Variants in CIITA observed in about 807,000 individuals in gnomAD.
CIITA encodes the protein MHC class II transactivator.
CIITA carries 72 observed loss-of-function variants against 115.1 expected under a neutral mutation model. The ratio of observed to expected loss-of-function variants is 0.63; its 90% CI spans 0.52 to 0.76. The LOEUF (loss-of-function observed/expected upper bound fraction) is 0.76. Among genes scored for constraint, CIITA ranks in the 30% least tolerant of loss-of-function variants. The pLI is 0.00. For synonymous variants in CIITA, 763 were observed against 635.6 expected (o/e 1.20, Z -3.02); for missense variants, 1,617 against 1,463.8 (o/e 1.10, Z -1.71).
rs1209081776 is a variant in CIITA, at chr16:10,906,518, C to T, written c.1026C>T (p.Tyr342=). 2 of 1,612,100 alleles carry T rather than the reference C, an allele frequency of 1.2e-6. No homozygotes were observed. Among genetic ancestry groups the T allele is most frequent in the East Asian group, 2.2e-5 (1 of 44,872 alleles). ...TTGCAGAGCCGGTGGAGCAGTTCTA[C>T]CGCTCACTGCAGGACACGTATGGTG... ...PKWPEPVEQF[Y]RSLQDTYGAE... Residue 342 remains tyrosine (Y), a synonymous_variant, in exon 11 of 20, where the codon TAC becomes TAT. Coordinates refer to ENST00000324288, the MANE Select transcript of CIITA (RefSeq NM_000246.4).
chr16:10,923,600 T>C lies in CIITA; in HGVS notation c.*22+275T>C, dbSNP rs1286263114. Among the ~76,000 whole-genome samples, 1 of 152,052 alleles carries C rather than the reference T, an allele frequency of 6.6e-6. No individual in the cohort carries two copies. The highest frequency in any genetic ancestry group is 1.5e-5 in the Non-Finnish European group (1 of 67,980). ...CACAGCCTCAGTGCTTGGAAGAGCT[T>C]CCTTTGGGGACTCCAAGCCTTCCCA... On this transcript the variant is annotated intron_variant, in intron 19 of 19. Transcript: ENST00000324288. This position sits in a 1 kb window ranked among gnomAD's most constrained non-coding sequence, Gnocchi z 5.2.
At position 10,922,173 on chromosome 16, in the gene CIITA, C is replaced by T. The variant is rs199994537; in HGVS notation, c.3156C>T (p.Tyr1052=). Residue 1052 remains tyrosine (Y), a synonymous_variant, in exon 17 of 20, where the codon TAC becomes TAT. Coordinates refer to ENST00000324288, the MANE Select transcript of CIITA (RefSeq NM_000246.4). ...TGGCCTCTGTTTCCGACAGCTTGTA[C>T]AATAACTGCATCTGCGACGTGGGAG... ...LAASLLRLSL[Y]NNCICDVGAE... 1.2e-5 allele frequency: 20 copies of T among 1,614,232 alleles called. No individual in the cohort carries two copies. In the African/African-American group the frequency reaches 2.0e-4, roughly 16 times the overall value.
upstream of CIITA, among the ~76,000 whole-genome samples, chr16:10,873,668 A>G (rs1285095755): frequency 7.2e-5 from 11 of 152,312 alleles, no homozygotes; most frequent in Non-Finnish European, 2.9e-5. Flanking sequence ...CAATTTTTCC[A>G]GAACAACTGT....
chr16:10,936,786 C>T (rs1456259969), downstream of CIITA: 1 of 152,184 alleles, frequency 6.6e-6, no homozygotes, highest in East Asian at 1.9e-4. Flanking sequence ...TGGCTTTGTT[C>T]CCTCGGCCTC....
rs761411940 is a variant in CIITA, at chr16:10,909,184, A to G, written c.2813A>G (p.Gln938Arg). ...VEDLGKLVQT[Q>R]RTRSSSEDTA... ...GACCTGGGAAAGCTTGTGCAGACTC[A>G]GAGGTGAGAGGAGAGGCGGATGGGA... Residue 938 changes from glutamine (Q) to arginine (R), a missense_variant, in exon 12 of 20, where the codon CAG becomes CGG. Coordinates refer to ENST00000324288, the MANE Select transcript of CIITA (RefSeq NM_000246.4). 6.2e-7 allele frequency: 1 copy of G among 1,614,170 alleles called. No homozygotes were observed. Among genetic ancestry groups the G allele is most frequent in the Non-Finnish European group, 8.5e-7 (1 of 1,180,024 alleles).
chr16:10,883,265 C>T (rs111816006), intron 1 of CIITA, among the ~76,000 whole-genome samples: 231 of 152,340 alleles, frequency 1.5e-3, no homozygotes, highest in Middle Eastern at 6.8e-3. Context: ...TTGTTGGACT[C>T]CTTTCCAGGT....
intron 1 of CIITA, among the ~76,000 whole-genome samples, chr16:10,881,761 G>A (rs1384232625): frequency 2.0e-5 from 3 of 152,022 alleles, no homozygotes; most frequent in East Asian, 1.9e-4. Flanking sequence ...TGCAACCTCC[G>A]CTACCATCCA....
chr16:10,871,859 A>G (rs1596392026), intron 1 of CIITA, among the ~76,000 whole-genome samples: 1 of 152,158 alleles, frequency 6.6e-6, no homozygotes, highest in Non-Finnish European at 1.5e-5. Context: ...ACACACCTGT[A>G]CCCGGAAGCT....
Position 10,915,554 on chromosome 16 carries a change from G to A in CIITA, c.2889-16G>A, listed in dbSNP as rs746695146. 2 of 1,609,710 alleles carry A rather than the reference G, an allele frequency of 1.2e-6. No individual in the cohort carries two copies. Among genetic ancestry groups the A allele is most frequent in the Middle Eastern group, 1.6e-4 (1 of 6,062 alleles). On this transcript the variant is annotated splice_polypyrimidine_tract_variant and intron_variant, in intron 13 of 19. Coordinates refer to ENST00000324288, the MANE Select transcript of CIITA (RefSeq NM_000246.4). Reference sequence around the variant, plus strand: ...GACTGTGACTGGAGGTCTTACCCTTGCTCTTTGCCTCCTAGGCTGGGCCCT... The same window carrying A: ...GACTGTGACTGGAGGTCTTACCCTTACTCTTTGCCTCCTAGGCTGGGCCCT...
chr16:10,871,029 G>C (rs190714218), intron 1 of CIITA, among the ~76,000 whole-genome samples: 82 of 152,368 alleles, frequency 5.4e-4, no homozygotes, highest in African/African-American at 1.9e-3. Flanking sequence ...CTGCCCTCGA[G>C]TTGAACTGGC....
At position 10,926,524 on chromosome 16, in the gene CIITA, T is replaced by C. The variant is rs2040537311; in HGVS notation, c.*2669T>C. 1 of 152,214 alleles carries C rather than the reference T, an allele frequency of 6.6e-6. No homozygotes were observed. The highest frequency in any genetic ancestry group is 1.5e-5 in the Non-Finnish European group (1 of 68,034). 9.4% of individuals were successfully genotyped at this position (152,214 alleles called of 1,614,324 possible). On this transcript the variant is annotated 3_prime_UTR_variant, in exon 20 of 20. Transcript: ENST00000324288. ...ATTAACACTAACGATTTGTTAATGA[T>C]AGCTACTGTTTATTATTTTATTTAA...
chr16:10,914,413 G>A (rs573559183), intron 13 of CIITA, among the ~76,000 whole-genome samples: 5 of 152,256 alleles, frequency 3.3e-5, no homozygotes, highest in South Asian at 4.1e-4. Context: ...TCGAGTGACC[G>A]TGCGCGGTTA....
At chr16:10,915,548 A>T in intron 13 of CIITA, 22 bp from the exon 14 acceptor site, 1 of 1,599,848 alleles carries the variant, frequency 6.3e-7, no homozygotes, top group Non-Finnish European at 8.6e-7. Flanking sequence ...TGGAGGTCTT[A>T]CCCTTGCTCT....
At chr16:10,896,729 A>G (rs1374821705) in intron 3 of CIITA, among the ~76,000 whole-genome samples, 1 of 152,230 alleles carries the variant, frequency 6.6e-6, no homozygotes, top group Non-Finnish European at 1.5e-5. Context: ...AACAACCTGC[A>G]AAACTCTTCT....
At chr16:10,895,936 G>A (rs1366284872) in intron 3 of CIITA, among the ~76,000 whole-genome samples, 172 bp downstream of exon 3, 1 of 152,082 alleles carries the variant, frequency 6.6e-6, no homozygotes, top group Non-Finnish European at 1.5e-5. Context: ...GAAGAGAGGG[G>A]AGATGGAGGC....
chr16:10,879,267 C>G lies in CIITA; in HGVS notation c.52+1885C>G, dbSNP rs1408241800. ...GGAGCTTGGCTTGCTGTGCCCAGAG[C>G]TCCGGGGCCGTGGGCGGGTGGCAGG... On this transcript the variant is annotated intron_variant, in intron 1 of 19. Transcript: ENST00000324288. The surrounding 1 kb of genome is among the most constrained non-coding windows in gnomAD (Gnocchi z 4.3). Among the ~76,000 whole-genome samples the G allele has an allele frequency of 6.6e-6, 1 of 152,190 alleles. No homozygotes were observed. The highest frequency in any genetic ancestry group is 1.5e-5 in the Non-Finnish European group (1 of 68,034).
In CIITA at chr16:10,922,196, G is replaced by A; in HGVS notation, c.3179G>A (p.Gly1060Glu). 1.2e-6 allele frequency: 2 copies of A among 1,614,252 alleles called. No individual in the cohort carries two copies. The highest frequency in any genetic ancestry group is 1.7e-6 in the Non-Finnish European group (2 of 1,180,050). ...SLYNNCICDV[G>E]AESLARVLPD... ...TACAATAACTGCATCTGCGACGTGG[G>A]AGCCGAGAGCTTGGCTCGTGTGCTT... Residue 1060 changes from glycine to glutamate, a missense_variant, in exon 17 of 20, where the codon GGA (glycine) becomes GAA (glutamate). Coordinates refer to ENST00000324288, the MANE Select transcript of CIITA (RefSeq NM_000246.4).
chr16:10,901,606 G>A lies in CIITA; in HGVS notation c.481+48G>A, dbSNP rs2038761135. ...GGTTGGGAAGGGTGGATGCCTTGGGGAGGGGATGGAAGAGATTGAACTCCT... is the reference window on the plus strand; with the variant it reads ...GGTTGGGAAGGGTGGATGCCTTGGGAAGGGGATGGAAGAGATTGAACTCCT... On this transcript the variant is annotated intron_variant, in intron 6 of 19. Transcript: ENST00000324288. This position sits in a 1 kb window ranked among gnomAD's most constrained non-coding sequence, Gnocchi z 6.8. 2 of 1,586,626 alleles carry A rather than the reference G, an allele frequency of 1.3e-6. No homozygotes were observed. The highest frequency in any genetic ancestry group is 2.2e-5 in the East Asian group (1 of 44,484).
intron 1 of CIITA, among the ~76,000 whole-genome samples, chr16:10,867,584 C>T (rs978131375): frequency 1.3e-5 from 2 of 151,986 alleles, no homozygotes; most frequent in East Asian, 1.9e-4. Flanking sequence ...TAAGAACTCG[C>T]TTACGGGAGA....
Sources: gnomAD v4.1 joint callset for allele counts (sites outside exome capture counted in the v4.1 genomes callset) on GRCh38, gnomAD v4.1.1 for gene constraint, Gnocchi (gnomAD v3.1) non-coding constraint, MANE v1.5 for transcripts, NCBI Gene and HGNC (gene_info 2026-07-23, HGNC 2026-07-21) for gene names.